PAQR7: variants seen among roughly 807,000 people sequenced by gnomAD.
The protein encoded by PAQR7 is progestin and adipoQ receptor family member 7.
In PAQR7, 14 loss-of-function variants were observed where a neutral mutation model predicts 24.6. The observed-to-expected ratio is 0.57, with a 90% CI of 0.38 to 0.89. The LOEUF (loss-of-function observed/expected upper bound fraction) is 0.89, where lower values mean the gene tolerates loss of function less well. Ranked by LOEUF, PAQR7 falls within the 40% of genes least tolerant of loss-of-function variation. The pLI is 0.00. For missense variants in PAQR7, 351 were observed against 444.0 expected, an observed-to-expected ratio of 0.79 and a Z score of 1.88; for synonymous variants, 189 against 198.8, an observed-to-expected ratio of 0.95 and a Z score of 0.42.
intron 2 of PAQR7, among the ~76,000 whole-genome samples, chr1:25,866,883 C>A (rs2048561519): frequency 6.6e-6 from 1 of 152,180 alleles, no homozygotes; most frequent in African/African-American, 2.4e-5. Context: ...CAGGTGCCCG[C>A]CACCACGCCC....
rs1237195463 is a variant in PAQR7 at position 25,875,099 on chromosome 1, A to G, written c.-109+389T>C. Among the ~76,000 whole-genome samples, 3 of 149,162 alleles carry G rather than the reference A, an allele frequency of 2.0e-5. No individual in the cohort carries two copies. Among genetic ancestry groups the G allele is most frequent in the African/African-American group, 7.4e-5 (3 of 40,310 alleles). On this transcript the variant is annotated intron_variant, in intron 1 of 2. Coordinates refer to ENST00000675840, the MANE Select transcript of PAQR7 (RefSeq NM_178422.6). The surrounding 1 kb of genome is among the most constrained non-coding windows in gnomAD (Gnocchi z 5.4). Reference sequence around the variant, plus strand: ...TTGCCCGGGCCAGACGCCCCTACCCACTCCCTGCCCTCCATCCTTCATTTT... The same window carrying G: ...TTGCCCGGGCCAGACGCCCCTACCCGCTCCCTGCCCTCCATCCTTCATTTT...
intron 1 of PAQR7, among the ~76,000 whole-genome samples, chr1:25,874,845 G>A (rs1484023780): frequency 1.3e-5 from 2 of 152,184 alleles, no homozygotes; most frequent in East Asian, 1.9e-4. Context: ...CTGACACCAG[G>A]GGAGGCTCCC....
chr1:25,868,894 C>T (rs1203131611), intron 2 of PAQR7, among the ~76,000 whole-genome samples: 4 of 151,872 alleles, frequency 2.6e-5, no homozygotes, highest in Non-Finnish European at 2.9e-5. Flanking sequence ...TTTGGGAGGC[C>T]GAGGTGGGTG....
In PAQR7 at chr1:25,863,519, G is replaced by C; in HGVS notation, c.321C>G (p.Leu107=). ...TGAAAGAGGCAAGGACAATGATGAA[G>C]AGGGGCAGGGCGTGTGGGTCTCCCC... ...DFWGDPHALP[L]FIIVLASFTY... is the part of the protein sequence containing the mutation. Residue 107 remains leucine, a synonymous_variant, in exon 3 of 3, where the codon CTC becomes CTG. Transcript: ENST00000675840. This position sits in a 1 kb window ranked among gnomAD's most constrained non-coding sequence, Gnocchi z 6.1. The C allele has an allele frequency of 6.2e-7, 1 of 1,614,234 alleles. No homozygotes were observed. Among genetic ancestry groups the C allele is most frequent in the South Asian group, 1.1e-5 (1 of 91,088 alleles).
At chr1:25,874,704 C>G (rs1200205365) in intron 1 of PAQR7, among the ~76,000 whole-genome samples, 1 of 152,194 alleles carries the variant, frequency 6.6e-6, no homozygotes, top group Non-Finnish European at 1.5e-5. Flanking sequence ...CTTGGCTTGA[C>G]CTAGCCCCAC....
Position 25,862,913 on chromosome 1 carries a change from C to A in PAQR7, c.927G>T (p.Thr309=), listed in dbSNP as rs146789461. The change falls in exon 3 of 3, where the codon ACG becomes ACT. Residue 309 remains threonine, a synonymous_variant. Transcript: ENST00000675840. ...ARRPIYEPLH[T]HWPHNFSGLF... is the part of the protein sequence containing the mutation. Reference sequence around the variant, plus strand: ...GGCCAGAAAAGTTGTGAGGCCAGTGCGTGTGCAGAGGCTCATAGATGGGCC... The same window carrying A: ...GGCCAGAAAAGTTGTGAGGCCAGTGAGTGTGCAGAGGCTCATAGATGGGCC... 3.9e-5 allele frequency: 63 copies of A among 1,614,172 alleles called. 1 individual carries two copies. In the African/African-American group the frequency reaches 6.8e-4, roughly 17 times the overall value.
intron 2 of PAQR7, among the ~76,000 whole-genome samples, chr1:25,864,871 C>T (rs1008596863): frequency 6.6e-6 from 1 of 151,936 alleles, no homozygotes; most frequent in Non-Finnish European, 1.5e-5. Context: ...AAAAAACAAA[C>T]AGCGGCCAGG....
chr1:25,867,135 C>T (rs747133115), intron 2 of PAQR7, among the ~76,000 whole-genome samples: 8 of 152,188 alleles, frequency 5.3e-5, no homozygotes, highest in African/African-American at 9.7e-5. Context: ...AAGCAATCCT[C>T]CTATCAGCCT....
rs1333439280 is a variant in PAQR7, at chr1:25,875,242, C to T, written c.-109+246G>A. On this transcript the variant is annotated intron_variant, in intron 1 of 2. Transcript: ENST00000675840. This position sits in a 1 kb window ranked among gnomAD's most constrained non-coding sequence, Gnocchi z 5.4. ...CCACCCTTCCCAAGACGCCCCCATC[C>T]AGCGAGCTCCTCCTTCCTGCGCCCT... Among the ~76,000 whole-genome samples, 6 of 152,232 alleles carry T rather than the reference C, an allele frequency of 3.9e-5. No individual in the cohort carries two copies. In the East Asian group the frequency reaches 1.2e-3, roughly 29 times the overall value.
At position 25,863,545 on chromosome 1, in the gene PAQR7, A is replaced by C. The variant is rs1425457958; in HGVS notation, c.295T>G (p.Trp99Gly). ...LALFVETVDF[W>G]GDPHALPLFI... ...AGGGGCAGGGCGTGTGGGTCTCCCC[A>C]GAAGTCCACGGTCTCCACAAAGAGG... The change falls in exon 3 of 3, where the codon TGG becomes GGG. Residue 99 changes from tryptophan (W) to glycine (G), a missense_variant. Coordinates refer to ENST00000675840, the MANE Select transcript of PAQR7 (RefSeq NM_178422.6). The surrounding 1 kb of genome is among the most constrained non-coding windows in gnomAD (Gnocchi z 6.1). The C allele has an allele frequency of 1.5e-5, 24 of 1,614,074 alleles. No individual in the cohort carries two copies. The highest frequency in any genetic ancestry group is 1.9e-5 in the Non-Finnish European group (23 of 1,180,026).
chr1:25,863,978 A>T lies in PAQR7; in HGVS notation c.-22-117T>A. On this transcript the variant is annotated intron_variant, in intron 2 of 2. Transcript: ENST00000675840. This position sits in a 1 kb window ranked among gnomAD's most constrained non-coding sequence, Gnocchi z 6.1. ...TCCTCTCCGACAGCCTTATCCTTAC[A>T]CTCGGTTTAAGAACAGAAGACTCAT... 1.4e-6 allele frequency: 1 copy of T among 738,606 alleles called. No homozygotes were observed. The highest frequency in any genetic ancestry group is 2.7e-5 in the East Asian group (1 of 36,878). 45.8% of individuals were successfully genotyped at this position (738,606 alleles called of 1,614,324 possible). A position where few individuals can be genotyped will look rare whatever the true frequency, so the allele number is the denominator to read the frequency against.
At chr1:25,871,041 T>C (rs2124198530) in intron 1 of PAQR7, 1 of 152,248 alleles carries the variant, frequency 6.6e-6, no homozygotes, top group South Asian at 2.1e-4. Context: ...CTTCGAGTTT[T>C]CTAAAAAAAC....
Position 25,863,638 on chromosome 1 carries a change from G to T in PAQR7, c.202C>A (p.Gln68Lys). The change falls in exon 3 of 3, where the codon CAG becomes AAG. Residue 68 changes from glutamine (Q) to lysine (K), a missense_variant. Transcript: ENST00000675840. The surrounding 1 kb of genome is among the most constrained non-coding windows in gnomAD (Gnocchi z 6.1). ...WRFYFRTLFQ[Q>K]HNEAVNVWTH... ...CAGACATTCACGGCCTCGTTGTGCTGCTGGAACAGCGTGCGGAAATAGAAG... is the reference window on the plus strand; with the variant it reads ...CAGACATTCACGGCCTCGTTGTGCTTCTGGAACAGCGTGCGGAAATAGAAG... 4 of 1,614,198 alleles carry T rather than the reference G, an allele frequency of 2.5e-6. No individual in the cohort carries two copies. The highest frequency in any genetic ancestry group is 2.5e-6 in the Non-Finnish European group (3 of 1,180,020).
At chr1:25,874,960 T>A (rs1331933638) in intron 1 of PAQR7, among the ~76,000 whole-genome samples, 2 of 152,132 alleles carry the variant, frequency 1.3e-5, no homozygotes, top group African/African-American at 2.4e-5. Flanking sequence ...GTGGGACTCC[T>A]TCACATCAGC....
intron 1 of PAQR7, among the ~76,000 whole-genome samples, chr1:25,871,627 C>T (rs1252631939): frequency 6.6e-6 from 1 of 152,046 alleles, no homozygotes; most frequent in Non-Finnish European, 1.5e-5. Flanking sequence ...CGAAGGCTTG[C>T]AAGCCCCAGC....
chr1:25,865,038 C>T (rs994712065), intron 2 of PAQR7, among the ~76,000 whole-genome samples: 12 of 151,870 alleles, frequency 7.9e-5, no homozygotes, highest in African/African-American at 2.7e-4. Flanking sequence ...CACCTGTAGT[C>T]CCAGCTGCTC....
In PAQR7 at chr1:25,863,096, AAAG is replaced by A. The variant is rs756031444; in HGVS notation, c.741_743del (p.Phe248del). 2.0e-5 allele frequency: 32 copies of A among 1,613,988 alleles called. No individual in the cohort carries two copies. Among genetic ancestry groups the A allele is most frequent in the Admixed American group, 5.0e-5 (3 of 60,006 alleles). On this transcript the variant is annotated inframe_deletion, in exon 3 of 3. Transcript: ENST00000675840. The surrounding 1 kb of genome is among the most constrained non-coding windows in gnomAD (Gnocchi z 6.1). ...TAGAGAAGAAGGCAGCAGCCAGCAG[AAAG>A]AAGACCACCTGGCACTTGTGGTAGA...
At chr1:25,864,362 C>A (rs2048539528) in intron 2 of PAQR7, among the ~76,000 whole-genome samples, 1 of 152,090 alleles carries the variant, frequency 6.6e-6, no homozygotes, top group Admixed American at 6.6e-5. Context: ...CCCCTACTGA[C>A]CCTCCATTAC....
At chr1:25,874,589 G>C (rs531246244) in intron 1 of PAQR7, among the ~76,000 whole-genome samples, 1 of 152,276 alleles carries the variant, frequency 6.6e-6, no homozygotes, top group Non-Finnish European at 1.5e-5. Context: ...CTCATGACTA[G>C]AGGCTGGGTC....
Sources: allele counts gnomAD v4.1 joint callset (sites outside exome capture counted in the v4.1 genomes callset), GRCh38; gene constraint gnomAD v4.1.1; non-coding constraint Gnocchi (gnomAD v3.1); transcripts MANE v1.5; gene names NCBI Gene and HGNC (gene_info 2026-07-23, HGNC 2026-07-21).